Variants in NOL10 observed in about 807,000 individuals in gnomAD.
The protein encoded by NOL10 is H_NH0074G24.1.
In NOL10, 58 loss-of-function variants were observed where a neutral mutation model predicts 103.5. That is an observed-to-expected ratio of 0.56 (90% confidence interval 0.45 to 0.70). The LOEUF is 0.70. Among genes scored for constraint, NOL10 ranks in the 30% least tolerant of loss-of-function variants. The pLI, the probability that NOL10 is intolerant of heterozygous loss-of-function variation, is 0.00. For synonymous variants in NOL10, 287 were observed against 282.5 expected, an observed-to-expected ratio of 1.02 and a Z score of -0.16; for missense variants, 763 against 807.3, an observed-to-expected ratio of 0.95 and a Z score of 0.67.
At chr2:10,652,664 C>T (rs905350285) in intron 12 of NOL10, among the ~76,000 whole-genome samples, 7 of 152,134 alleles carry the variant, frequency 4.6e-5, no homozygotes, top group Non-Finnish European at 8.8e-5. Flanking sequence ...CTGGCTCCTC[C>T]CCCTCATTCT....
chr2:10,587,757 G>C (rs1675191761), intron 19 of NOL10, among the ~76,000 whole-genome samples: 1 of 152,120 alleles, frequency 6.6e-6, no homozygotes, highest in Non-Finnish European at 1.5e-5. Flanking sequence ...ATATTTGCTA[G>C]AAGCTGGTGA....
intron 6 of NOL10, among the ~76,000 whole-genome samples, chr2:10,670,456 C>T (rs988097295): frequency 1.3e-5 from 2 of 152,022 alleles, no homozygotes; most frequent in South Asian, 2.1e-4. Context: ...AAAACAGGGC[C>T]GGGCACCGTG....
chr2:10,681,528 A>G (rs1681756583), intron 3 of NOL10, among the ~76,000 whole-genome samples: 2 of 152,246 alleles, frequency 1.3e-5, no homozygotes, highest in Admixed American at 1.3e-4. Context: ...GAGTTACACA[A>G]GCGTGTGCAT....
chr2:10,636,444 A>G (rs1232720181), intron 13 of NOL10, among the ~76,000 whole-genome samples: 1 of 140,050 alleles, frequency 7.1e-6, no homozygotes, highest in Non-Finnish European at 1.6e-5. Flanking sequence ...AAAAAAAAAA[A>G]AACACCAAAC....
At chr2:10,605,392 C>T (rs978369069) in intron 14 of NOL10, among the ~76,000 whole-genome samples, 10 of 152,142 alleles carry the variant, frequency 6.6e-5, no homozygotes, top group African/African-American at 2.4e-4. Flanking sequence ...TTACTTACTT[C>T]TACTCTTAAG....
At chr2:10,657,274 T>G (rs905013858) in intron 11 of NOL10, among the ~76,000 whole-genome samples, 5 of 151,668 alleles carry the variant, frequency 3.3e-5, no homozygotes, top group Admixed American at 2.6e-4. Flanking sequence ...GCTGAGATCA[T>G]GGCACTGCAC....
At chr2:10,620,376 T>A (rs1455524224) in intron 13 of NOL10, among the ~76,000 whole-genome samples, 3 of 152,230 alleles carry the variant, frequency 2.0e-5, no homozygotes, top group Non-Finnish European at 2.9e-5. Flanking sequence ...TACACTTTTA[T>A]TCAAGGTTCT....
intron 17 of NOL10, among the ~76,000 whole-genome samples, chr2:10,591,382 G>A (rs967788123): frequency 2.0e-5 from 3 of 152,164 alleles, no homozygotes; most frequent in Non-Finnish European, 4.4e-5. Flanking sequence ...GCCCTGGGGG[G>A]TGCAGCATCA....
intron 7 of NOL10, among the ~76,000 whole-genome samples, chr2:10,667,900 T>C (rs1312513584): frequency 6.6e-6 from 1 of 152,196 alleles, no homozygotes; most frequent in Non-Finnish European, 1.5e-5. Flanking sequence ...ATTTGGTTCT[T>C]ATCACAACAT....
At chr2:10,637,209 A>AC (rs1558309727) in intron 13 of NOL10, among the ~76,000 whole-genome samples, 1 of 150,566 alleles carries the variant, frequency 6.6e-6, no homozygotes, top group Non-Finnish European at 1.5e-5. Context: ...AAAAAAAAAA[A>AC]AAAACACACA....
chr2:10,574,422 C>T (rs6736120), intron 20 of NOL10, among the ~76,000 whole-genome samples: 37,504 of 151,888 alleles, frequency 0.25, 6,425 homozygotes, highest in African/African-American at 0.45. Context: ...CTGAGATGGG[C>T]AGATCATGAG....
chr2:10,615,414 T>A (rs4997810), intron 13 of NOL10, among the ~76,000 whole-genome samples: 89,517 of 151,554 alleles, frequency 0.59, 27,407 homozygotes, highest in African/African-American at 0.74. Context: ...TAGTCAATTT[T>A]TGTGACACTA....
intron 12 of NOL10, among the ~76,000 whole-genome samples, chr2:10,645,147 T>C (rs1678966251): frequency 6.6e-6 from 1 of 152,168 alleles, no homozygotes; most frequent in Admixed American, 6.5e-5. Flanking sequence ...ATCAGCCCTA[T>C]TTTACTGATC....
rs554980385 is a variant in NOL10 at position 10,571,462 on chromosome 2, A to C, written c.*609T>G. 6.6e-6 allele frequency: 1 copy of C among 152,504 alleles called. No individual in the cohort carries two copies. Among genetic ancestry groups the C allele is most frequent in the Non-Finnish European group, 1.5e-5 (1 of 68,172 alleles). The allele number at this position is 152,504 out of a possible 1,614,324, so 9.4% of individuals were successfully genotyped here. A position where few individuals can be genotyped will look rare whatever the true frequency, so the allele number is the denominator to read the frequency against. On this transcript the variant is annotated 3_prime_UTR_variant, in exon 21 of 21. Coordinates refer to ENST00000381685, the MANE Select transcript of NOL10 (RefSeq NM_024894.4). ...CTTTATAGCAGTGCAAGAACAGATA[A>C]ATACAGTGCTCAAACAGTTTTAGAT...
chr2:10,683,569 C>G (rs4669605), intron 2 of NOL10, among the ~76,000 whole-genome samples: 34,620 of 152,096 alleles, frequency 0.23, 4,196 homozygotes, highest in South Asian at 0.47. Context: ...ATTGCAAGAC[C>G]CCAGCCACTC....
intron 13 of NOL10, among the ~76,000 whole-genome samples, chr2:10,611,355 A>AAATACATGCCATG (rs1676557809): frequency 6.6e-6 from 1 of 152,270 alleles, no homozygotes; most frequent in Non-Finnish European, 1.5e-5. Flanking sequence ...AAGGACATGA[A>AAATACATGCCATG]AATACATGCC....
At chr2:10,621,497 G>A (rs1464845506) in intron 13 of NOL10, among the ~76,000 whole-genome samples, 1 of 152,182 alleles carries the variant, frequency 6.6e-6, no homozygotes, top group African/African-American at 2.4e-5. Flanking sequence ...GGGAGACTGA[G>A]GTTGGGGAAT....
At chr2:10,573,848 C>A (rs1291293110) in intron 20 of NOL10, among the ~76,000 whole-genome samples, 1 of 152,174 alleles carries the variant, frequency 6.6e-6, no homozygotes, top group Non-Finnish European at 1.5e-5. Flanking sequence ...AGGGTCCCAC[C>A]CAAGCCCAGG....
chr2:10,587,076 T>TACATATATATACATATATATAC lies in NOL10; in HGVS notation c.1844+1945_1844+1966dup, dbSNP rs1174892590. ...ATATACATATATATATACATATATA[T>TACATATATATACATATATATAC]ACATATATATACATATATATACACA... On this transcript the variant is annotated intron_variant, in intron 19 of 20. Coordinates refer to ENST00000381685, the MANE Select transcript of NOL10 (RefSeq NM_024894.4). Among the ~76,000 whole-genome samples, 5 of 55,108 alleles carry TACATATATATACATATATATAC rather than the reference T, an allele frequency of 9.1e-5. 1 individual carries two copies. The South Asian group carries it at 1.8e-3, about 20-fold the overall frequency. 36.2% of individuals were successfully genotyped at this position (55,108 alleles called of 152,430 possible).
Sources: gnomAD v4.1 joint callset for allele counts (sites outside exome capture counted in the v4.1 genomes callset) on GRCh38, gnomAD v4.1.1 for gene constraint, MANE v1.5 for transcripts, NCBI Gene and HGNC (gene_info 2026-07-23, HGNC 2026-07-21) for gene names.